Variants in ZNF853 observed in about 807,000 individuals in gnomAD.
ZNF853 encodes the protein zinc finger protein 853.
Under a neutral mutation model 94.7 loss-of-function variants are expected in ZNF853, and 57 were observed. The ratio of observed to expected loss-of-function variants is 0.60; its 90% CI spans 0.49 to 0.75. The LOEUF is 0.75. ZNF853 is among the 30% of genes least tolerant of loss of function. The pLI is 0.00. For missense variants in ZNF853, 785 were observed against 868.9 expected (o/e 0.90, Z 1.21); for synonymous variants, 448 against 406.3 (o/e 1.10, Z -1.23).
chr7:6,622,385 G>T lies in ZNF853; in HGVS notation c.1394G>T (p.Gly465Val), dbSNP rs753834399. The T allele has an allele frequency of 3.2e-5, 45 of 1,391,316 alleles. 1 individual carries two copies. Among genetic ancestry groups the T allele is most frequent in the Non-Finnish European group, 4.1e-5 (44 of 1,079,942 alleles). The allele number at this position is 1,391,316 out of a possible 1,614,324, so 86.2% of individuals were successfully genotyped here. Residue 465 changes from glycine to valine, a missense_variant, in exon 3 of 3, where the codon GGC (glycine) becomes GTC (valine). Physicochemically the swap from Gly to Val is moderately radical, Grantham distance 109 (BLOSUM62 -3). Coordinates refer to ENST00000457543, the MANE Select transcript of ZNF853 (RefSeq NM_017560.3). ...PAVVAIPGPA[G>V]SAALTPARQR... is the part of the protein sequence containing the mutation. ...GTGGTGGCCATCCCGGGCCCGGCAG[G>T]CAGCGCGGCGTTGACCCCTGCACGG...
In ZNF853 at chr7:6,622,875, C is replaced by T. The variant is rs1468115936; in HGVS notation, c.1884C>T (p.Leu628=). The T allele has an allele frequency of 4.4e-6, 6 of 1,351,970 alleles. No homozygotes were observed. In the African/African-American group the frequency reaches 6.2e-5, roughly 14 times the overall value. 83.7% of individuals were successfully genotyped at this position (1,351,970 alleles called of 1,614,324 possible). Residue 628 remains leucine (L), a synonymous_variant, in exon 3 of 3, where the codon CTC becomes CTT. Coordinates refer to ENST00000457543, the MANE Select transcript of ZNF853 (RefSeq NM_017560.3). ...QLHGAGRSRG[L]GLLRASRPAA... ...ACGGCGCGGGCCGCTCCAGGGGCCT[C>T]GGCCTGCTGCGCGCCTCGCGGCCGG... is the stretch of plus-strand genomic sequence containing the variant.
In ZNF853 at chr7:6,617,280, G is replaced by A. The variant is rs1459557518; in HGVS notation, c.103G>A (p.Gly35Arg). 3.3e-6 allele frequency: 5 copies of A among 1,506,836 alleles called. No individual in the cohort carries two copies. The South Asian group carries it at 6.3e-5, about 19-fold the overall frequency. 93.3% of individuals were successfully genotyped at this position (1,506,836 alleles called of 1,614,324 possible). ...FVLELQCLED[G>R]GPGPDTLSGG... ...GCTGGAACTTCAATGTCTTGAGGAT[G>A]GGGGCCCAGGGCCTGACACCCTCTC... is the stretch of plus-strand genomic sequence containing the variant. The change falls in exon 2 of 3, where the codon GGG becomes AGG. Residue 35 changes from glycine (G) to arginine (R), a missense_variant. Physicochemically the swap from Gly to Arg is moderately radical, Grantham distance 125. Transcript: ENST00000457543.
In ZNF853 at chr7:6,623,052, G is replaced by GACGCCTCCA; in HGVS notation, c.*81_*82insACGCCTCCA. ...AAAAGCTCCTTGACCCGGGTTCATG[G>GACGCCTCCA]GCGCTGGAGGCGTCCTGGAATATCC... On this transcript the variant is annotated 3_prime_UTR_variant, in exon 3 of 3. Transcript: ENST00000457543. The GACGCCTCCA allele has an allele frequency of 8.6e-7, 1 of 1,163,614 alleles. No individual in the cohort carries two copies. Among genetic ancestry groups the GACGCCTCCA allele is most frequent in the South Asian group, 4.3e-5 (1 of 23,320 alleles). 72.1% of individuals were successfully genotyped at this position (1,163,614 alleles called of 1,614,324 possible). A position where few individuals can be genotyped will look rare whatever the true frequency, so the allele number is the denominator to read the frequency against.
rs769768991 is a variant in ZNF853 at position 6,617,209 on chromosome 7, G to A, written c.32G>A (p.Gly11Asp). MLHQPTPGNRGLTARMEVGPA... is the reference protein window; with the variant it reads MLHQPTPGNRDLTARMEVGPA... ...GCACAGCCGACTCCCGGGAATCGGG[G>A]TCTGACCGCCAGGATGGAAGTGGGG... Residue 11 changes from glycine (G) to aspartate (D), a missense_variant, in exon 2 of 3, where the codon GGT (glycine) becomes GAT (aspartate). By Grantham distance (94) the Gly-to-Asp change is moderately conservative. Transcript: ENST00000457543. 1.9e-6 allele frequency: 3 copies of A among 1,540,010 alleles called. No homozygotes were observed. In the Admixed American group the frequency reaches 6.0e-5, roughly 31 times the overall value.
chr7:6,623,041 C>A lies in ZNF853; in HGVS notation c.*70C>A. On this transcript the variant is annotated 3_prime_UTR_variant, in exon 3 of 3. Coordinates refer to ENST00000457543, the MANE Select transcript of ZNF853 (RefSeq NM_017560.3). ...GCCTCCACCTGAAAAGCTCCTTGACCCGGGTTCATGGGCGCTGGAGGCGTC... is the reference window on the plus strand; with the variant it reads ...GCCTCCACCTGAAAAGCTCCTTGACACGGGTTCATGGGCGCTGGAGGCGTC... The A allele has an allele frequency of 8.2e-7, 1 of 1,224,420 alleles. No homozygotes were observed. Among genetic ancestry groups the A allele is most frequent in the South Asian group, 4.0e-5 (1 of 24,768 alleles). 75.8% of individuals were successfully genotyped at this position (1,224,420 alleles called of 1,614,324 possible). A position where few individuals can be genotyped will look rare whatever the true frequency, so the allele number is the denominator to read the frequency against.
In ZNF853 at chr7:6,621,308, A is replaced by T. The variant is rs1011997183; in HGVS notation, c.317A>T (p.His106Leu). The change falls in exon 3 of 3, where the codon CAC becomes CTC. Residue 106 changes from histidine (H) to leucine (L), a missense_variant. Transcript: ENST00000457543. ...QQPEPQQQPQ[H>L]EQLQQPQPHL... ...CCCGAGCCGCAGCAACAGCCGCAAC[A>T]CGAGCAGCTGCAACAGCCGCAGCCA... The T allele has an allele frequency of 5.8e-6, 9 of 1,551,244 alleles. No individual in the cohort carries two copies. In the Admixed American group the frequency reaches 1.8e-4, roughly 30 times the overall value.
intron 2 of ZNF853, among the ~76,000 whole-genome samples, chr7:6,619,562 G>A: frequency 1.2e-4 from 19 of 152,256 alleles, no homozygotes; most frequent in Admixed American, 3.9e-4. Flanking sequence ...GAGCCACCGC[G>A]CCCGGCCATC....
intron 1 of ZNF853, among the ~76,000 whole-genome samples, 160 bp downstream of exon 1, chr7:6,616,346 G>T: frequency 1.3e-5 from 2 of 152,162 alleles, no homozygotes; most frequent in Non-Finnish European, 2.9e-5. Flanking sequence ...CCAGGCCGTG[G>T]GTGACAGTGC....
At position 6,622,998 on chromosome 7, in the gene ZNF853, G is replaced by T; in HGVS notation, c.*27G>T. On this transcript the variant is annotated 3_prime_UTR_variant, in exon 3 of 3. Transcript: ENST00000457543. ...GGCCGTGATCGGGGCTGCCTGGCCG[G>T]GAGGGGACCCCCCACCCGCCTCCAC... is the stretch of plus-strand genomic sequence containing the variant. 1.2e-5 allele frequency: 15 copies of T among 1,242,292 alleles called. No homozygotes were observed. The highest frequency in any genetic ancestry group is 1.5e-5 in the Non-Finnish European group (15 of 994,416). 77.0% of individuals were successfully genotyped at this position (1,242,292 alleles called of 1,614,324 possible). A position where few individuals can be genotyped will look rare whatever the true frequency, so the allele number is the denominator to read the frequency against.
intron 1 of ZNF853, among the ~76,000 whole-genome samples, chr7:6,616,570 T>TA: frequency 1.3e-5 from 2 of 151,622 alleles, no homozygotes; most frequent in African/African-American, 2.4e-5. Context: ...ATCTACAATA[T>TA]AAAAAAACAT....
In ZNF853 at chr7:6,615,999, G is replaced by A. The variant is rs146860201; in HGVS notation, c.-176G>A. 915 of 560,758 alleles carry A rather than the reference G, an allele frequency of 1.6e-3. No homozygotes were observed. Among genetic ancestry groups the A allele is most frequent in the Non-Finnish European group, 2.5e-3 (782 of 316,306 alleles). The allele number at this position is 560,758 out of a possible 1,614,324, so 34.7% of individuals were successfully genotyped here. A position where few individuals can be genotyped will look rare whatever the true frequency, so the allele number is the denominator to read the frequency against. On this transcript the variant is annotated 5_prime_UTR_variant, in exon 1 of 3. Transcript: ENST00000457543. This position sits in a 1 kb window ranked among gnomAD's most constrained non-coding sequence, Gnocchi z 8.5. ...CCCTTGGCCCAGGGCGACCTCGGCA[G>A]CCCAGAGGGCGTGGACCCTCCGGAG...
At position 6,621,522 on chromosome 7, in the gene ZNF853, A is replaced by C; in HGVS notation, c.531A>C (p.Leu177Phe). 6.4e-7 allele frequency: 1 copy of C among 1,551,620 alleles called. No individual in the cohort carries two copies. The highest frequency in any genetic ancestry group is 8.7e-7 in the Non-Finnish European group (1 of 1,146,956). ...GGTTGCAGCAGCAGCAGGAGCAGTT[A>C]CAGACGCAGCAAGCACAAGAGCAAC... is the stretch of plus-strand genomic sequence containing the variant. ...QQRLQQQQEQLQTQQAQEQQV... is the reference protein window; with the variant it reads ...QQRLQQQQEQFQTQQAQEQQV... The change falls in exon 3 of 3, where the codon TTA becomes TTC. Residue 177 changes from leucine to phenylalanine, a missense_variant. Transcript: ENST00000457543.
chr7:6,621,843 A>T lies in ZNF853; in HGVS notation c.852A>T (p.Glu284Asp). Residue 284 changes from glutamate to aspartate, a missense_variant, in exon 3 of 3, where the codon GAA becomes GAT. Transcript: ENST00000457543. Reference sequence around the variant, plus strand: ...AGCAGCTACTGCTGCAGCAGCAGGAACAGTTACAGCAGCAGCAGCAACAGC... The same window carrying T: ...AGCAGCTACTGCTGCAGCAGCAGGATCAGTTACAGCAGCAGCAGCAACAGC... ...LQQQLLLQQQEQLQQQQQQQL... is the reference protein window; with the variant it reads ...LQQQLLLQQQDQLQQQQQQQL... The T allele has an allele frequency of 6.4e-7, 1 of 1,550,954 alleles. No individual in the cohort carries two copies. Among genetic ancestry groups the T allele is most frequent in the Middle Eastern group, 1.8e-4 (1 of 5,520 alleles).
Position 6,621,048 on chromosome 7 carries a change from G to A in ZNF853, c.131-74G>A. The A allele has an allele frequency of 3.2e-4, 466 of 1,443,646 alleles. 2 individuals are homozygous for A. In the African/African-American group the frequency reaches 5.5e-3, roughly 17 times the overall value. The allele number at this position is 1,443,646 out of a possible 1,614,324, so 89.4% of individuals were successfully genotyped here. A position where few individuals can be genotyped will look rare whatever the true frequency, so the allele number is the denominator to read the frequency against. ...TGTATCTTTGAGGGCAGGGTAAGGG[G>A]CAGGTCCTGGGGTCTGCACCAGAGA... is the stretch of plus-strand genomic sequence containing the variant. On this transcript the variant is annotated intron_variant, in intron 2 of 2. Coordinates refer to ENST00000457543, the MANE Select transcript of ZNF853 (RefSeq NM_017560.3).
At position 6,616,094 on chromosome 7, in the gene ZNF853, G is replaced by A. The variant is rs13311422; in HGVS notation, c.-81G>A. ...CTGGATGGAGGCGCCTCCGGAAGGAGCCGGCTGCACGCCGTGGCCTTCACC... is the reference window on the plus strand; with the variant it reads ...CTGGATGGAGGCGCCTCCGGAAGGAACCGGCTGCACGCCGTGGCCTTCACC... On this transcript the variant is annotated 5_prime_UTR_variant, in exon 1 of 3. Coordinates refer to ENST00000457543, the MANE Select transcript of ZNF853 (RefSeq NM_017560.3). 8 of 1,436,254 alleles carry A rather than the reference G, an allele frequency of 5.6e-6. No individual in the cohort carries two copies. Among genetic ancestry groups the A allele is most frequent in the Non-Finnish European group, 7.6e-6 (8 of 1,054,570 alleles). 89.0% of individuals were successfully genotyped at this position (1,436,254 alleles called of 1,614,324 possible).
rs1583429889 is a variant in ZNF853, at chr7:6,621,974, A to T, written c.983A>T (p.Asp328Val). 6.4e-7 allele frequency: 1 copy of T among 1,550,662 alleles called. No individual in the cohort carries two copies. The highest frequency in any genetic ancestry group is 2.0e-5 in the Admixed American group (1 of 50,992). ...EEVELELMPV[D>V]LGSEQELEQQ... ...GTGGAGCTGGAGCTCATGCCGGTGGACCTGGGGTCAGAGCAGGAGCTGGAG... is the reference window on the plus strand; with the variant it reads ...GTGGAGCTGGAGCTCATGCCGGTGGTCCTGGGGTCAGAGCAGGAGCTGGAG... The change falls in exon 3 of 3, where the codon GAC (aspartate) becomes GTC (valine). Residue 328 changes from aspartate (D) to valine (V), a missense_variant. Physicochemically the swap from Asp to Val is radical, Grantham distance 152. Transcript: ENST00000457543.
intron 2 of ZNF853, chr7:6,617,593 C>A (rs1358205001): frequency 2.0e-6 from 2 of 985,394 alleles, no homozygotes; most frequent in East Asian, 2.3e-4. Context: ...AGCCAGAGGG[C>A]CTCCACCATC....
intron 2 of ZNF853, among the ~76,000 whole-genome samples, chr7:6,620,389 A>C: frequency 7.9e-5 from 12 of 152,208 alleles, no homozygotes; most frequent in Admixed American, 3.3e-4. Flanking sequence ...AGTGGTTTCT[A>C]CTGGAGGGTG....
chr7:6,622,085 T>TGCAGCAGCTGGA lies in ZNF853; in HGVS notation c.1098_1109dup (p.Leu372_Gln375dup), dbSNP rs1782630665. The stretch of plus-strand genomic sequence containing the variant: ...CTGCAGCTCAAACTGCAGGAGGAGC[T>TGCAGCAGCTGGA]GCAGCAGCTGGAGCAACAGCTGGAG... On this transcript the variant is annotated inframe_insertion, in exon 3 of 3. Coordinates refer to ENST00000457543, the MANE Select transcript of ZNF853 (RefSeq NM_017560.3). 3 of 1,544,934 alleles carry TGCAGCAGCTGGA rather than the reference T, an allele frequency of 1.9e-6. No homozygotes were observed. The highest frequency in any genetic ancestry group is 2.6e-6 in the Non-Finnish European group (3 of 1,146,044).
Sources: allele counts gnomAD v4.1 joint callset (sites outside exome capture counted in the v4.1 genomes callset), GRCh38; gene constraint gnomAD v4.1.1; non-coding constraint Gnocchi (gnomAD v3.1); transcripts MANE v1.5; gene names NCBI Gene and HGNC (gene_info 2026-07-23, HGNC 2026-07-21).